CDH23: variants seen among roughly 807,000 people sequenced by gnomAD.
CDH23 encodes the protein cadherin-23.
Under a neutral mutation model 317.1 loss-of-function variants are expected in CDH23, and 189 were observed. The observed-to-expected ratio is 0.60, with a 90% CI of 0.53 to 0.67. CDH23 has a LOEUF of 0.67. Ranked by LOEUF, CDH23 falls within the 30% of genes least tolerant of loss-of-function variation. The probability of loss-of-function intolerance (pLI) is 0.00; values close to 1 mark genes in which losing one functional copy is unlikely to be tolerated. For missense variants in CDH23, 4,401 were observed against 4,592.4 expected, an observed-to-expected ratio of 0.96 and a Z score of 1.20; for synonymous variants, 1,839 against 1,876.8, an observed-to-expected ratio of 0.98 and a Z score of 0.52.
At chr10:71,574,160 C>A (rs144048429) in intron 8 of CDH23, among the ~76,000 whole-genome samples, 3 of 152,142 alleles carry the variant, frequency 2.0e-5, no homozygotes, top group Non-Finnish European at 2.9e-5. Context: ...CCCCACCGGA[C>A]CTTTCCCCAC....
At chr10:71,465,208 G>A (rs1851185698) in intron 3 of CDH23, among the ~76,000 whole-genome samples, 1 of 152,238 alleles carries the variant, frequency 6.6e-6, no homozygotes, top group Admixed American at 6.5e-5. Flanking sequence ...ATTAGGCATT[G>A]TGATAGAAAG....
chr10:71,587,658 A>G (rs755954542), intron 9 of CDH23, among the ~76,000 whole-genome samples: 2 of 152,190 alleles, frequency 1.3e-5, no homozygotes, highest in Non-Finnish European at 2.9e-5. Flanking sequence ...GGTTATGGGC[A>G]TGGGAGGAGA....
chr10:71,539,041 C>T (rs1038765631), intron 6 of CDH23, among the ~76,000 whole-genome samples: 2 of 152,192 alleles, frequency 1.3e-5, no homozygotes, highest in Non-Finnish European at 2.9e-5. Flanking sequence ...GGGGAGTTTC[C>T]GGTGCCTTGG....
rs1839683146 is a variant in CDH23 at position 71,739,727 on chromosome 10, G to A, written c.4443G>A (p.Val1481=). The A allele has an allele frequency of 6.2e-7, 1 of 1,613,330 alleles. No homozygotes were observed. The highest frequency in any genetic ancestry group is 8.5e-7 in the Non-Finnish European group (1 of 1,179,684). Reference sequence around the variant, plus strand: ...ATGACTCCATTGGCGAAGTGTTTGTGGCCAGGCCCCTGGACAGAGAAGAGC... The same window carrying A: ...ATGACTCCATTGGCGAAGTGTTTGTAGCCAGGCCCCTGGACAGAGAAGAGC... ...TTNDSIGEVF[V]ARPLDREELD... Residue 1481 remains valine, a synonymous_variant, in exon 36 of 70, where the codon GTG becomes GTA. Transcript: ENST00000224721.
chr10:71,668,180 TG>T (rs1863993141), intron 14 of CDH23, among the ~76,000 whole-genome samples: 1 of 152,048 alleles, frequency 6.6e-6, no homozygotes, highest in African/African-American at 2.4e-5. Flanking sequence ...CAGAGACCCC[TG>T]CCACCACAGC....
intron 45 of CDH23, 139 bp from the exon 46 acceptor site, chr10:71,790,149 C>A (rs1841206023): frequency 8.2e-7 from 1 of 1,216,304 alleles, no homozygotes; most frequent in South Asian, 1.6e-5. Flanking sequence ...GGCCCGCCCC[C>A]AGGGCCTCCC....
chr10:71,661,145 GC>G (rs1449370383), intron 14 of CDH23, among the ~76,000 whole-genome samples: 1 of 152,170 alleles, frequency 6.6e-6, no homozygotes, highest in Non-Finnish European at 1.5e-5. Context: ...GGGCAGTGCA[GC>G]CCCCTCATGG....
chr10:71,454,844 TA>T lies in CDH23; in HGVS notation c.145+8450del, dbSNP rs765480148. Among the ~76,000 whole-genome samples, 427 of 88,378 alleles carry T rather than the reference TA, an allele frequency of 4.8e-3. 1 individual carries two copies. The highest frequency in any genetic ancestry group is 0.017 in the African/African-American group (369 of 21,186). The allele number at this position is 88,378 out of a possible 152,430, so 58.0% of individuals were successfully genotyped here. A position where few individuals can be genotyped will look rare whatever the true frequency, so the allele number is the denominator to read the frequency against. On this transcript the variant is annotated intron_variant, in intron 3 of 69. Transcript: ENST00000224721. ...TACATACTATATTTTTTTTACATTT[TA>T]TTTTTTTTTTTTTTTAGAAACAGGA...
intron 9 of CDH23, among the ~76,000 whole-genome samples, chr10:71,606,690 A>G (rs764767027): frequency 6.6e-6 from 1 of 152,224 alleles, no homozygotes; most frequent in Non-Finnish European, 1.5e-5. Context: ...AGGTTCAGAA[A>G]GTAGAAGTGC....
At chr10:71,596,789 G>T (rs1859876939) in intron 9 of CDH23, among the ~76,000 whole-genome samples, 1 of 152,144 alleles carries the variant, frequency 6.6e-6, no homozygotes. Context: ...GCCGTGTTGG[G>T]CAGGGGGGAG....
chr10:71,663,551 C>T (rs763036756), intron 14 of CDH23, among the ~76,000 whole-genome samples: 12 of 152,242 alleles, frequency 7.9e-5, no homozygotes, highest in Non-Finnish European at 1.5e-4. Context: ...TAACCTCTGG[C>T]CTTGCTGGGT....
chr10:71,811,170 A>G, intron 62 of CDH23, 145 bp from the exon 63 acceptor site: 1 of 1,187,364 alleles, frequency 8.4e-7, no homozygotes, highest in Non-Finnish European at 1.2e-6. Context: ...ACCTTGTAAA[A>G]CACAAAGCTG....
At position 71,672,247 on chromosome 10, in the gene CDH23, G is replaced by T. The variant is rs577590809; in HGVS notation, c.1450-2865G>T. On this transcript the variant is annotated intron_variant, in intron 14 of 69. Transcript: ENST00000224721. ...GGTCCTGGGAGCTACACGTGGTCCA[G>T]TCTGGGTCAGAGATGAGGCTAGACA... Among the ~76,000 whole-genome samples, 5 of 152,244 alleles carry T rather than the reference G, an allele frequency of 3.3e-5. No homozygotes were observed. The East Asian group carries it at 9.7e-4, about 29-fold the overall frequency.
chr10:71,472,964 T>C (rs981716236), intron 3 of CDH23, among the ~76,000 whole-genome samples: 16 of 152,374 alleles, frequency 1.1e-4, no homozygotes, highest in African/African-American at 3.1e-4. Flanking sequence ...ATTTTTCCTT[T>C]ATTTGGATTA....
chr10:71,660,195 G>A (rs1294033641), intron 14 of CDH23, among the ~76,000 whole-genome samples: 2 of 151,868 alleles, frequency 1.3e-5, no homozygotes, highest in Non-Finnish European at 1.5e-5. Context: ...TCCTGACCTC[G>A]TGATCCACCC....
chr10:71,695,473 C>T lies in CDH23; in HGVS notation c.2345C>T (p.Pro782Leu). ...NDNHPTWKDA[P>L]YYINLVEMTP... ...AACCACCCCACGTGGAAGGACGCAC[C>T]CTACTACATCAACCTGGTGGAGATG... Residue 782 changes from proline to leucine, a missense_variant, in exon 22 of 70, where the codon CCC (proline) becomes CTC (leucine). Transcript: ENST00000224721. 1 of 1,613,662 alleles carries T rather than the reference C, an allele frequency of 6.2e-7. No homozygotes were observed. The highest frequency in any genetic ancestry group is 8.5e-7 in the Non-Finnish European group (1 of 1,179,548).
intron 53 of CDH23, among the ~76,000 whole-genome samples, chr10:71,801,285 G>A (rs1429101547): frequency 6.6e-6 from 1 of 150,866 alleles, no homozygotes; most frequent in Non-Finnish European, 1.5e-5. Flanking sequence ...CTCCCAAGTA[G>A]CTGGGATTAC....
chr10:71,443,140 C>T (rs1358845086), intron 2 of CDH23, among the ~76,000 whole-genome samples: 1 of 152,194 alleles, frequency 6.6e-6, no homozygotes, highest in Non-Finnish European at 1.5e-5. Flanking sequence ...AGCCACTGCA[C>T]CTTCAGCCCC....
chr10:71,755,479 A>G (rs1312963596), intron 38 of CDH23: 1 of 1,603,764 alleles, frequency 6.2e-7, no homozygotes. Context: ...GAAAGGGCAG[A>G]GAGGTAGCCA....
Sources: gnomAD v4.1 joint callset for allele counts (sites outside exome capture counted in the v4.1 genomes callset) on GRCh38, gnomAD v4.1.1 for gene constraint, MANE v1.5 for transcripts, NCBI Gene and HGNC (gene_info 2026-07-23, HGNC 2026-07-21) for gene names.